SLC2A5: variants seen among roughly 807,000 people sequenced by gnomAD.
SLC2A5 encodes the protein solute carrier family 2 member 5.
In SLC2A5, 56 loss-of-function variants were observed where a neutral mutation model predicts 50.3. That is an observed-to-expected ratio of 1.11 (90% CI 0.90 to 1.39). SLC2A5 has a LOEUF of 1.39. SLC2A5 is among the 40% of genes most tolerant of loss of function. SLC2A5 has a pLI of 0.00. For synonymous variants in SLC2A5, 269 were observed against 281.9 expected (o/e 0.95, Z 0.46); for missense variants, 566 against 650.1 (o/e 0.87, Z 1.41).
At chr1:9,084,098 A>T (rs1355494612) in intron 2 of SLC2A5, among the ~76,000 whole-genome samples, 1 of 151,286 alleles carries the variant, frequency 6.6e-6, no homozygotes, top group Non-Finnish European at 1.5e-5. Flanking sequence ...GAGCCGAGAT[A>T]GCGCCACTGC....
Position 9,039,586 on chromosome 1 carries a change from G to T in SLC2A5, c.962C>A (p.Thr321Asn). ...GGTCATGACCACGTTCACGGCCCCG[G>T]TGCCGGCCGTCACGTACTGCACGTG... ...EEHVQYVTAG[T>N]GAVNVVMTFC... is the part of the protein sequence containing the mutation. Residue 321 changes from threonine to asparagine, a missense_variant, in exon 8 of 12, where the codon ACC (threonine) becomes AAC (asparagine). Thr to Asn is a moderately conservative substitution (Grantham distance 65). Transcript: ENST00000377424. 6.3e-7 allele frequency: 1 copy of T among 1,575,868 alleles called. No homozygotes were observed. The highest frequency in any genetic ancestry group is 1.2e-5 in the South Asian group (1 of 86,028).
At chr1:9,038,672 G>T (rs1401352510) in intron 9 of SLC2A5, among the ~76,000 whole-genome samples, 156 bp downstream of exon 9, 2 of 152,218 alleles carry the variant, frequency 1.3e-5, no homozygotes, top group Non-Finnish European at 2.9e-5. Flanking sequence ...CTATGAGCTG[G>T]CAGGACACAC....
intron 2 of SLC2A5, among the ~76,000 whole-genome samples, chr1:9,076,786 G>GT (rs1158026090): frequency 6.6e-6 from 1 of 150,414 alleles, no homozygotes; most frequent in African/African-American, 2.5e-5. Flanking sequence ...CAAGTGTGGT[G>GT]TTTTTTTTGT....
In SLC2A5 at chr1:9,037,697, G is replaced by T. The variant is rs1425762107; in HGVS notation, c.1395C>A (p.Ala465=). 1 of 1,614,050 alleles carries T rather than the reference G, an allele frequency of 6.2e-7. No individual in the cohort carries two copies. Among genetic ancestry groups the T allele is most frequent in the African/African-American group, 1.3e-5 (1 of 74,928 alleles). The part of the protein sequence containing the change: ...YIFLIVPETK[A]KTFIEINQIF... ...TCTGGTTGATCTCTATGAACGTCTT[G>T]GCCTTGGTCTCCGGGACAATCAAGA... The change falls in exon 12 of 12, where the codon GCC becomes GCA. Residue 465 remains alanine (A), a synonymous_variant. Coordinates refer to ENST00000377424, the MANE Select transcript of SLC2A5 (RefSeq NM_003039.3).
At chr1:9,090,584 C>A (rs114569748), upstream of SLC2A5, among the ~76,000 whole-genome samples, 3,268 of 152,298 alleles carry the variant, frequency 0.021, 110 homozygotes, top group African/African-American at 0.073. Flanking sequence ...CTGTTGTCCC[C>A]AACCCCTATA....
chr1:9,078,925 C>T (rs1161618183), intron 2 of SLC2A5, among the ~76,000 whole-genome samples: 1 of 152,148 alleles, frequency 6.6e-6, no homozygotes, highest in Non-Finnish European at 1.5e-5. Flanking sequence ...ACCTGACCAC[C>T]CCACAGTGCC....
At chr1:9,039,465 G>T (rs1480347681) in intron 8 of SLC2A5, 87 bp downstream of exon 8, 1 of 973,094 alleles carries the variant, frequency 1.0e-6, no homozygotes, top group Non-Finnish European at 1.5e-6. Flanking sequence ...TTGGGGCCAC[G>T]GGCTGCCCTT....
chr1:9,040,257 C>T lies in SLC2A5; in HGVS notation c.572-68G>A, dbSNP rs1186317015. The T allele has an allele frequency of 4.0e-6, 6 of 1,512,476 alleles. No individual in the cohort carries two copies. The highest frequency in any genetic ancestry group is 4.3e-5 in the Admixed American group (2 of 46,920). The allele number at this position is 1,512,476 out of a possible 1,614,324, so 93.7% of individuals were successfully genotyped here. A position where few individuals can be genotyped will look rare whatever the true frequency, so the allele number is the denominator to read the frequency against. ...ACCCCGAAGGCGCCCTCTGCAGAGC[C>T]GGCCCCAGCCCCGTCATCCTGAGTG... On this transcript the variant is annotated intron_variant, in intron 5 of 11. Coordinates refer to ENST00000377424, the MANE Select transcript of SLC2A5 (RefSeq NM_003039.3). The surrounding 1 kb of genome is among the most constrained non-coding windows in gnomAD (Gnocchi z 4.3).
intron 1 of SLC2A5, among the ~76,000 whole-genome samples, chr1:9,058,608 C>G: frequency 6.6e-6 from 1 of 152,202 alleles, no homozygotes; most frequent in Non-Finnish European, 1.5e-5. Flanking sequence ...TTGAGAACCA[C>G]TGGATCAGAG....
chr1:9,086,390 T>C (rs879925050), intron 1 of SLC2A5, among the ~76,000 whole-genome samples: 1,389 of 138,756 alleles, frequency 0.01, 10 homozygotes, highest in Non-Finnish European at 0.014. Context: ...TCTCTCTCTT[T>C]TTTTTTTTTT....
intron 5 of SLC2A5, 168 bp downstream of exon 5, chr1:9,041,617 C>A: frequency 6.8e-7 from 1 of 1,467,762 alleles, no homozygotes; most frequent in Non-Finnish European, 9.0e-7. Flanking sequence ...TTGTCCATGG[C>A]CTGCTATGTT....
upstream of SLC2A5, among the ~76,000 whole-genome samples, chr1:9,092,200 T>C (rs943638355): frequency 2.1e-4 from 32 of 152,030 alleles, no homozygotes; most frequent in Admixed American, 2.0e-3. Flanking sequence ...ATCACCCAAT[T>C]CCCCAATATC....
intron 1 of SLC2A5, among the ~76,000 whole-genome samples, chr1:9,062,047 T>C (rs1439957710): frequency 1.3e-5 from 2 of 152,170 alleles, no homozygotes; most frequent in East Asian, 3.9e-4. Context: ...GTAGAAATCA[T>C]GGCTCACTCT....
At chr1:9,089,887 C>T (rs1209138257), upstream of SLC2A5, among the ~76,000 whole-genome samples, 1 of 152,216 alleles carries the variant, frequency 6.6e-6, no homozygotes, top group Non-Finnish European at 1.5e-5. Context: ...GATTCTTCAC[C>T]CCCACATCTA....
rs1557670838 is a variant in SLC2A5, at chr1:9,053,497, A to ATTTATATATATTATATATATATATATT, written c.293+3950_293+3951insAATATATATATATATAATATATATAAA. Among the ~76,000 whole-genome samples the ATTTATATATATTATATATATATATATT allele has an allele frequency of 1.3e-4, 4 of 31,264 alleles. 1 individual carries two copies. The highest frequency in any genetic ancestry group is 3.8e-4 in the African/African-American group (4 of 10,466). 20.5% of individuals were successfully genotyped at this position (31,264 alleles called of 152,430 possible). A position where few individuals can be genotyped will look rare whatever the true frequency, so the allele number is the denominator to read the frequency against. On this transcript the variant is annotated intron_variant, in intron 3 of 11. Transcript: ENST00000377424. ...TTATATATATTATATATTTATATAT[A>ATTTATATATATTATATATATATATATT]ATATATATTATATATTTTATCTATA... is the stretch of plus-strand genomic sequence containing the variant.
At chr1:9,073,666 C>A (rs1230199549), upstream of SLC2A5, among the ~76,000 whole-genome samples, 3 of 152,248 alleles carry the variant, frequency 2.0e-5, no homozygotes, top group Non-Finnish European at 2.9e-5. Context: ...GCCTGAAAAT[C>A]TGTTAGGACA....
chr1:9,038,619 A>G (rs1195900276), intron 9 of SLC2A5, 113 bp from the exon 10 acceptor site: 1 of 1,238,372 alleles, frequency 8.1e-7, no homozygotes, highest in African/African-American at 1.5e-5. Flanking sequence ...CTCCCCCAGC[A>G]GTGCCACCTC....
intron 9 of SLC2A5, 55 bp from the exon 10 acceptor site, chr1:9,038,561 CA>C (rs1641199566): frequency 6.7e-7 from 1 of 1,494,190 alleles, no homozygotes; most frequent in Middle Eastern, 1.7e-4. Context: ...GACGGGACCC[CA>C]GGGGGCGGCC....
intron 1 of SLC2A5, among the ~76,000 whole-genome samples, chr1:9,063,681 C>CTTTTTTTTTTT (rs70985579): frequency 6.6e-5 from 3 of 45,174 alleles, no homozygotes; most frequent in Non-Finnish European, 1.1e-4. Context: ...CTATTATTTA[C>CTTTTTTTTTTT]TTTTTTTTTT....
Sources: gnomAD v4.1 joint callset for allele counts (sites outside exome capture counted in the v4.1 genomes callset) on GRCh38, gnomAD v4.1.1 for gene constraint, Gnocchi (gnomAD v3.1) non-coding constraint, MANE v1.5 for transcripts, NCBI Gene and HGNC (gene_info 2026-07-23, HGNC 2026-07-21) for gene names.